The following CDH19 variants were observed in gnomAD, a reference collection of about 807,000 sequenced individuals.
CDH19 encodes the protein cadherin 19, also known as cadherin-19.
Under a neutral mutation model 64.2 loss-of-function variants are expected in CDH19, and 67 were observed. The observed-to-expected ratio is 1.04, with a 90% CI of 0.86 to 1.28. The LOEUF is 1.28. CDH19 is among the 50% of genes most tolerant of loss of function. The probability of loss-of-function intolerance (pLI) is 0.00; values close to 1 mark genes in which losing one functional copy is unlikely to be tolerated. For synonymous variants in CDH19, 346 were observed against 319.3 expected (o/e 1.08, Z -0.89); for missense variants, 1,030 against 929.0 (o/e 1.11, Z -1.41).
At chr18:66,601,705 T>A (rs1484368787) in intron 1 of CDH19, among the ~76,000 whole-genome samples, 3 of 151,884 alleles carry the variant, frequency 2.0e-5, no homozygotes, top group African/African-American at 7.2e-5. Flanking sequence ...ACGAATCATA[T>A]CAGCATATTC....
At chr18:66,564,046 T>C (rs1987817742) in intron 3 of CDH19, among the ~76,000 whole-genome samples, 1 of 151,912 alleles carries the variant, frequency 6.6e-6, no homozygotes, top group South Asian at 2.1e-4. Flanking sequence ...TAGAATCTAA[T>C]TCACAAATGT....
At chr18:66,578,395 C>T (rs77110365) in intron 1 of CDH19, among the ~76,000 whole-genome samples, 2,461 of 151,860 alleles carry the variant, frequency 0.016, 66 homozygotes, top group African/African-American at 0.056. Flanking sequence ...TCAGTTTCAA[C>T]GGGTAAATGC....
chr18:66,579,795 G>A (rs1162650097), intron 1 of CDH19, among the ~76,000 whole-genome samples: 1 of 151,956 alleles, frequency 6.6e-6, no homozygotes, highest in African/African-American at 2.4e-5. Context: ...GTAGAGATGA[G>A]CAATAGATGA....
Position 66,572,023 on chromosome 18 carries a change from T to C in CDH19, c.182A>G (p.His61Arg). The C allele has an allele frequency of 6.2e-7, 1 of 1,608,556 alleles. No homozygotes were observed. Among genetic ancestry groups the C allele is most frequent in the South Asian group, 1.1e-5 (1 of 90,842 alleles). The change falls in exon 2 of 12, where the codon CAT becomes CGT. Residue 61 changes from histidine to arginine, a missense_variant. Transcript: ENST00000262150. ...ATAAATAAGTACCTGGCCGATGTGA[T>C]GACTAGTCGTATTCATTTCCTCTGG... Reference protein sequence around the residue: ...FVPEEMNTTSHHIGQLRSDLD... With the variant: ...FVPEEMNTTSRHIGQLRSDLD...
At position 66,539,635 on chromosome 18, in the gene CDH19, A is replaced by G. The variant is rs116717643; in HGVS notation, c.1214+4336T>C. Among the ~76,000 whole-genome samples the G allele has an allele frequency of 5.6e-3, 853 of 152,220 alleles. 12 individuals are homozygous for G. The highest frequency in any genetic ancestry group is 0.019 in the African/African-American group (797 of 41,552). On this transcript the variant is annotated intron_variant, in intron 7 of 11. Coordinates refer to ENST00000262150, the MANE Select transcript of CDH19 (RefSeq NM_021153.4). ...TGGGTGCACTCCAGTTGATAAGGAT[A>G]TACTTTCCTTTTCACAAATAGCTCA...
At position 66,568,557 on chromosome 18, in the gene CDH19, C is replaced by A. The variant is rs749105539; in HGVS notation, c.349G>T (p.Ala117Ser). 6.2e-7 allele frequency: 1 copy of A among 1,612,320 alleles called. No individual in the cohort carries two copies. Among genetic ancestry groups the A allele is most frequent in the Admixed American group, 1.7e-5 (1 of 59,770 alleles). ...CCAGTAGCGATGTCTATTACCTGGG[C>A]TCTTAAGATGTAGAGGGATCGCTCC... ...REERSLYILRAQVIDIATGRA... is the reference protein window; with the variant it reads ...REERSLYILRSQVIDIATGRA... Residue 117 changes from alanine (A) to serine (S), a missense_variant, in exon 3 of 12, where the codon GCC becomes TCC. Physicochemically the swap from Ala to Ser is moderately conservative, Grantham distance 99. Coordinates refer to ENST00000262150, the MANE Select transcript of CDH19 (RefSeq NM_021153.4).
At chr18:66,564,654 T>A (rs1987840421) in intron 3 of CDH19, among the ~76,000 whole-genome samples, 1 of 151,876 alleles carries the variant, frequency 6.6e-6, no homozygotes, top group Non-Finnish European at 1.5e-5. Flanking sequence ...CACAGACATA[T>A]AAACAAAGTC....
chr18:66,528,566 G>A (rs1291355136), intron 9 of CDH19, among the ~76,000 whole-genome samples: 1 of 151,892 alleles, frequency 6.6e-6, no homozygotes, highest in Non-Finnish European at 1.5e-5. Flanking sequence ...AAAACATTTT[G>A]GAAAATATTT....
chr18:66,511,698 G>A lies in CDH19; in HGVS notation c.1459-13C>T, dbSNP rs2144349083. ...TAGTCTGAATTACCTAAAAAAAAAG[G>A]GGGATAGATTTTTGTTGTTGTTTGG... On this transcript the variant is annotated splice_polypyrimidine_tract_variant and intron_variant, in intron 9 of 11. Transcript: ENST00000262150. 2.4e-6 allele frequency: 3 copies of A among 1,258,232 alleles called. No individual in the cohort carries two copies. The highest frequency in any genetic ancestry group is 3.5e-6 in the Non-Finnish European group (3 of 864,832). The allele number at this position is 1,258,232 out of a possible 1,614,324, so 77.9% of individuals were successfully genotyped here.
At chr18:66,556,848 ATAAAAACTAC>A (rs1987538310) in intron 3 of CDH19, among the ~76,000 whole-genome samples, 1 of 151,972 alleles carries the variant, frequency 6.6e-6, no homozygotes, top group East Asian at 1.9e-4. Flanking sequence ...GAAAATGCAA[ATAAAAACTAC>A]TATGAAATAT....
At position 66,572,306 on chromosome 18, in the gene CDH19, C is replaced by G. The variant is rs902939267; in HGVS notation, c.-102G>C. 2.4e-5 allele frequency: 19 copies of G among 793,126 alleles called. No individual in the cohort carries two copies. In the South Asian group the frequency reaches 4.4e-4, roughly 18 times the overall value. 49.1% of individuals were successfully genotyped at this position (793,126 alleles called of 1,614,324 possible). ...TATAATCTTTTCTGATTCTGTGTACCTTCTATATACCTAAAGCGTCAGAAA... is the reference window on the plus strand; with the variant it reads ...TATAATCTTTTCTGATTCTGTGTACGTTCTATATACCTAAAGCGTCAGAAA... On this transcript the variant is annotated 5_prime_UTR_variant, in exon 2 of 12. Transcript: ENST00000262150.
chr18:66,531,426 G>T (rs1986440462), intron 8 of CDH19, among the ~76,000 whole-genome samples: 2 of 152,092 alleles, frequency 1.3e-5, no homozygotes, highest in Non-Finnish European at 2.9e-5. Context: ...AGAGCAGCCT[G>T]AGCAATATAG....
chr18:66,521,530 T>TATTTATTTATTTA (rs1168665817), intron 9 of CDH19, among the ~76,000 whole-genome samples: 469 of 144,518 alleles, frequency 3.2e-3, no homozygotes, highest in South Asian at 3.5e-3. Context: ...TTATTTTGTT[T>TATTTATTTATTTA]GTTTGTTTGT....
chr18:66,598,711 A>G (rs1988966383), intron 1 of CDH19, among the ~76,000 whole-genome samples: 1 of 152,096 alleles, frequency 6.6e-6, no homozygotes, highest in Admixed American at 6.6e-5. Flanking sequence ...GGCGAGAATC[A>G]AAAAACTATC....
chr18:66,506,254 T>G (rs1985192697), intron 11 of CDH19, among the ~76,000 whole-genome samples: 1 of 151,964 alleles, frequency 6.6e-6, no homozygotes, highest in African/African-American at 2.4e-5. Flanking sequence ...GGTGTTCTAT[T>G]ATACCGTAGG....
At chr18:66,524,552 A>G (rs922982746) in intron 9 of CDH19, among the ~76,000 whole-genome samples, 11 of 138,026 alleles carry the variant, frequency 8.0e-5, no homozygotes, top group East Asian at 2.1e-4. Flanking sequence ...GTATATATAT[A>G]TATATATATA....
intron 1 of CDH19, among the ~76,000 whole-genome samples, chr18:66,588,616 A>ATATATATATATT (rs1568211846): frequency 7.5e-6 from 1 of 133,422 alleles, no homozygotes; most frequent in South Asian, 2.5e-4. Context: ...ATATATATCT[A>ATATATATATATT]TATCTATATC....
At chr18:66,602,763 T>C (rs1989068417) in intron 1 of CDH19, among the ~76,000 whole-genome samples, 1 of 151,694 alleles carries the variant, frequency 6.6e-6, no homozygotes, top group Admixed American at 6.6e-5. Flanking sequence ...AAATTGATTG[T>C]TTAAAAATTT....
At chr18:66,577,415 A>G (rs1988296852) in intron 1 of CDH19, among the ~76,000 whole-genome samples, 1 of 151,874 alleles carries the variant, frequency 6.6e-6, no homozygotes, top group African/African-American at 2.4e-5. Context: ...AAGTGTACAA[A>G]TACACCTACA....
Sources: gnomAD v4.1 joint callset for allele counts (sites outside exome capture counted in the v4.1 genomes callset) on GRCh38, gnomAD v4.1.1 for gene constraint, MANE v1.5 for transcripts, NCBI Gene and HGNC (gene_info 2026-07-23, HGNC 2026-07-21) for gene names.